Variants in DOCK1 observed in about 807,000 individuals in gnomAD.
DOCK1 encodes dedicator of cytokinesis 1.
In DOCK1, 138 loss-of-function variants were observed where a neutral mutation model predicts 262.7. The ratio of observed to expected loss-of-function variants is 0.53; its 90% confidence interval spans 0.46 to 0.61. DOCK1 has a LOEUF of 0.61. DOCK1 is among the 20% of genes least tolerant of loss of function. DOCK1 has a pLI of 0.00. For missense variants in DOCK1, 1,908 were observed against 2,370.7 expected (o/e 0.80, Z 4.05); for synonymous variants, 866 against 867.4 (o/e 1.00, Z 0.03).
At chr10:126,968,569 G>A (rs117803457) in intron 1 of DOCK1, among the ~76,000 whole-genome samples, 1,737 of 152,316 alleles carry the variant, frequency 0.011, 17 homozygotes, top group Non-Finnish European at 0.016. Context: ...AAGGAATTAT[G>A]TGTATGTGCT....
intron 4 of DOCK1, 117 bp downstream of exon 4, chr10:126,982,090 G>A (rs1298697102): frequency 6.3e-6 from 7 of 1,109,080 alleles, no homozygotes; most frequent in Middle Eastern, 2.0e-4. Flanking sequence ...ATTGACTCCT[G>A]GGGGACAGGA....
chr10:127,374,998 C>A (rs1193667689), intron 35 of DOCK1, among the ~76,000 whole-genome samples: 1 of 152,282 alleles, frequency 6.6e-6, no homozygotes. Flanking sequence ...GAAACCAGAT[C>A]TGGGCACCAT....
intron 27 of DOCK1, among the ~76,000 whole-genome samples, chr10:127,170,685 C>G (rs1031753184): frequency 6.6e-6 from 1 of 152,164 alleles, no homozygotes; most frequent in African/African-American, 2.4e-5. Flanking sequence ...CCCATAGCTG[C>G]TACAGTGAAT....
intron 21 of DOCK1, among the ~76,000 whole-genome samples, chr10:127,046,505 G>A (rs143956958): frequency 0.012 from 1,873 of 152,192 alleles, 29 homozygotes; most frequent in African/African-American, 0.034. Context: ...TGTAATCCTT[G>A]CACTTTGGGA....
In DOCK1 at chr10:127,026,270, A is replaced by C; in HGVS notation, c.1552-82A>C. The C allele has an allele frequency of 3.2e-6, 4 of 1,263,452 alleles. No individual in the cohort carries two copies. In the South Asian group the frequency reaches 3.8e-5, roughly 12 times the overall value. 78.3% of individuals were successfully genotyped at this position (1,263,452 alleles called of 1,614,324 possible). On this transcript the variant is annotated intron_variant, in intron 15 of 51. Transcript: ENST00000623213. ...TGCAGTTAGAAATGTTTACAGTTGT[A>C]CCTGATAGCTCCAGTTGAATAAAGC...
At chr10:127,018,664 A>G in intron 12 of DOCK1, 46 bp from the exon 13 acceptor site, 1 of 1,611,548 alleles carries the variant, frequency 6.2e-7, no homozygotes, top group Non-Finnish European at 8.5e-7. Flanking sequence ...ACTTCTAAAA[A>G]TGCATAGGAT....
intron 14 of DOCK1, among the ~76,000 whole-genome samples, chr10:127,023,584 C>T (rs2042605813): frequency 7.4e-6 from 1 of 134,306 alleles, no homozygotes; most frequent in South Asian, 2.4e-4. Context: ...GCTCTGTTGC[C>T]CAGGCTGGAG....
intron 27 of DOCK1, among the ~76,000 whole-genome samples, chr10:127,230,350 A>G (rs1011057285): frequency 1.3e-5 from 2 of 152,100 alleles, no homozygotes; most frequent in Non-Finnish European, 2.9e-5. Context: ...TGCTCAGACC[A>G]ATTTCAAGAG....
rs1168985295 is a variant in DOCK1, at chr10:126,941,488, G to A, written c.47-29214G>A. On this transcript the variant is annotated intron_variant, in intron 1 of 51. Coordinates refer to ENST00000623213, the MANE Select transcript of DOCK1 (RefSeq NM_001290223.2). ...ACAGCATCTGTGGGCCGGGCACAGT[G>A]GCTCATGCCTGTAATCCCAGCACTG... Among the ~76,000 whole-genome samples the A allele has an allele frequency of 3.9e-5, 6 of 152,328 alleles. No individual in the cohort carries two copies. The South Asian group carries it at 1.2e-3, about 32-fold the overall frequency.
chr10:127,276,904 G>C (rs2060764998), intron 29 of DOCK1, among the ~76,000 whole-genome samples: 1 of 136,896 alleles, frequency 7.3e-6, no homozygotes, highest in Non-Finnish European at 1.7e-5. Flanking sequence ...GATGTAAGAT[G>C]AATGTCCCTG....
At chr10:127,273,898 T>C (rs2060654176) in intron 29 of DOCK1, among the ~76,000 whole-genome samples, 1 of 151,164 alleles carries the variant, frequency 6.6e-6, no homozygotes, top group Admixed American at 6.6e-5. Context: ...AAAAAATAGC[T>C]ATTAGCCTGC....
intron 38 of DOCK1, among the ~76,000 whole-genome samples, chr10:127,393,879 C>T (rs4751323): frequency 0.86 from 131,132 of 152,050 alleles, 56,631 homozygotes; most frequent in South Asian, 0.92. Context: ...TTTACGTTTC[C>T]TCCTTCCCGA....
chr10:127,401,324 G>A (rs1197591616), intron 38 of DOCK1, among the ~76,000 whole-genome samples: 1 of 152,148 alleles, frequency 6.6e-6, no homozygotes, highest in Non-Finnish European at 1.5e-5. Context: ...TCAGAAGAAG[G>A]AATTCGATTG....
At chr10:127,132,964 G>T (rs1170378025) in intron 27 of DOCK1, among the ~76,000 whole-genome samples, 1 of 152,162 alleles carries the variant, frequency 6.6e-6, no homozygotes, top group Non-Finnish European at 1.5e-5. Context: ...GGAAGATTTT[G>T]CCTGGATTCT....
At chr10:127,364,707 AT>A (rs1224050679) in intron 33 of DOCK1, among the ~76,000 whole-genome samples, 3 of 152,090 alleles carry the variant, frequency 2.0e-5, no homozygotes, top group African/African-American at 7.2e-5. Flanking sequence ...TTATTTTCAC[AT>A]TATTCCAACC....
At chr10:127,359,786 C>A (rs1012868490) in intron 32 of DOCK1, among the ~76,000 whole-genome samples, 7 of 152,116 alleles carry the variant, frequency 4.6e-5, no homozygotes, top group Non-Finnish European at 8.8e-5. Flanking sequence ...TTATAGTAGC[C>A]ACATTTCTTT....
intron 29 of DOCK1, among the ~76,000 whole-genome samples, chr10:127,336,305 C>A (rs1485738879): frequency 6.6e-6 from 1 of 151,988 alleles, no homozygotes; most frequent in Non-Finnish European, 1.5e-5. Flanking sequence ...TGCATTGAGC[C>A]CAAGCATCAT....
In DOCK1 at chr10:126,930,435, A is replaced by G. The variant is rs1412592472; in HGVS notation, c.46+24872A>G. Among the ~76,000 whole-genome samples, 3 of 152,178 alleles carry G rather than the reference A, an allele frequency of 2.0e-5. 1 individual carries two copies. Among genetic ancestry groups the G allele is most frequent in the African/African-American group, 7.2e-5 (3 of 41,450 alleles). The stretch of plus-strand genomic sequence containing the variant: ...GGCCCAGGCCTGCACTACGTGCTTC[A>G]CTTCTTACCTCCCTGAGCCTTCCCC... On this transcript the variant is annotated intron_variant, in intron 1 of 51. Coordinates refer to ENST00000623213, the MANE Select transcript of DOCK1 (RefSeq NM_001290223.2).
rs185213360 is a variant in DOCK1, at chr10:127,119,686, A to G, written c.2624-5788A>G. Among the ~76,000 whole-genome samples the G allele has an allele frequency of 9.8e-5, 15 of 152,342 alleles. No homozygotes were observed. The East Asian group carries it at 2.7e-3, about 27-fold the overall frequency. ...AAGTGTTATTCTGGATCTCAGTTCT[A>G]TGTAACACAGAGTTATTAAATGCAC... On this transcript the variant is annotated intron_variant, in intron 25 of 51. Transcript: ENST00000623213.
Sources: gnomAD v4.1 joint callset for allele counts (sites outside exome capture counted in the v4.1 genomes callset) on GRCh38, gnomAD v4.1.1 for gene constraint, MANE v1.5 for transcripts, NCBI Gene and HGNC (gene_info 2026-07-23, HGNC 2026-07-21) for gene names.